Variants in B3GLCT observed in about 807,000 individuals in gnomAD.
B3GLCT encodes beta 3-glucosyltransferase, also known as beta-1,3-glucosyltransferase.
Under a neutral mutation model 63.4 loss-of-function variants are expected in B3GLCT, and 65 were observed. That is an observed-to-expected ratio of 1.03 (90% CI 0.84 to 1.26). B3GLCT has a LOEUF of 1.26. Among genes scored for constraint, B3GLCT ranks in the 50% most tolerant of loss-of-function variants. The probability of loss-of-function intolerance (pLI) is 0.00; values close to 1 mark genes in which losing one functional copy is unlikely to be tolerated. For synonymous variants in B3GLCT, 233 were observed against 219.2 expected (o/e 1.06, Z -0.55); for missense variants, 577 against 604.8 (o/e 0.95, Z 0.48).
At chr13:31,329,032 C>T (rs957274737) in intron 14 of B3GLCT, among the ~76,000 whole-genome samples, 9 of 152,146 alleles carry the variant, frequency 5.9e-5, no homozygotes, top group Admixed American at 2.6e-4. Context: ...TTTCTTTCTT[C>T]GAATGACATC....
At chr13:31,314,377 G>A (rs747699214) in intron 12 of B3GLCT, among the ~76,000 whole-genome samples, 10 of 152,216 alleles carry the variant, frequency 6.6e-5, no homozygotes, top group Non-Finnish European at 1.3e-4. Context: ...CAAAGCCACA[G>A]GAGAAGGGCT....
At chr13:31,302,049 C>G (rs961524932) in intron 12 of B3GLCT, among the ~76,000 whole-genome samples, 1 of 152,192 alleles carries the variant, frequency 6.6e-6, no homozygotes, top group African/African-American at 2.4e-5. Context: ...ATTTCCACCT[C>G]CCAGGATGAG....
intron 7 of B3GLCT, among the ~76,000 whole-genome samples, chr13:31,268,755 AACAAG>A (rs1225952025): frequency 6.6e-6 from 1 of 152,226 alleles, no homozygotes; most frequent in Non-Finnish European, 1.5e-5. Context: ...AAAATGTTCA[AACAAG>A]ACAGTGACTT....
At chr13:31,234,619 G>A (rs977837452) in intron 4 of B3GLCT, among the ~76,000 whole-genome samples, 2 of 152,120 alleles carry the variant, frequency 1.3e-5, no homozygotes, top group Admixed American at 6.5e-5. Context: ...CCAGCGGATG[G>A]GGGGTGGCAG....
chr13:31,283,400 G>A (rs1436043960), intron 10 of B3GLCT: 14 of 152,200 alleles, frequency 9.2e-5, no homozygotes, highest in African/African-American at 3.4e-4. Context: ...GTAGAACAGA[G>A]TGAAATTTTT....
At chr13:31,315,542 A>C (rs1417055876) in intron 12 of B3GLCT, among the ~76,000 whole-genome samples, 1 of 152,234 alleles carries the variant, frequency 6.6e-6, no homozygotes, top group Non-Finnish European at 1.5e-5. Context: ...GCATTCAGTC[A>C]TATTCATTCA....
At chr13:31,214,020 T>C (rs1869428999) in intron 1 of B3GLCT, among the ~76,000 whole-genome samples, 2 of 151,740 alleles carry the variant, frequency 1.3e-5, no homozygotes. Context: ...TTTGAGGCAA[T>C]GGATGTCTGG....
chr13:31,203,206 A>T (rs1868771730), intron 1 of B3GLCT, among the ~76,000 whole-genome samples: 1 of 152,216 alleles, frequency 6.6e-6, no homozygotes, highest in African/African-American at 2.4e-5. Context: ...ACCAAGAGTC[A>T]GACCTAATTC....
chr13:31,223,123 C>A, intron 3 of B3GLCT, 132 bp downstream of exon 3: 1 of 680,232 alleles, frequency 1.5e-6, no homozygotes, highest in South Asian at 1.7e-5. Context: ...CTGTCTTTGG[C>A]CCAGCCTAAC....
At chr13:31,226,344 G>A (rs796438837) in intron 3 of B3GLCT, among the ~76,000 whole-genome samples, 16 of 152,346 alleles carry the variant, frequency 1.1e-4, no homozygotes, top group African/African-American at 3.4e-4. Flanking sequence ...TGAATGAAGC[G>A]TGCATGATTG....
intron 12 of B3GLCT, among the ~76,000 whole-genome samples, chr13:31,297,684 G>T (rs888990259): frequency 2.0e-5 from 3 of 152,064 alleles, no homozygotes; most frequent in African/African-American, 7.3e-5. Context: ...CCCCAAGACT[G>T]CCCTACCACC....
chr13:31,309,539 G>A (rs1292944401), intron 12 of B3GLCT, among the ~76,000 whole-genome samples: 1 of 152,190 alleles, frequency 6.6e-6, no homozygotes, highest in African/African-American at 2.4e-5. Flanking sequence ...CCCTTCTTTG[G>A]GTTCCTTTAA....
chr13:31,331,519 C>T lies in B3GLCT; in HGVS notation c.*1851C>T, dbSNP rs1460336802. ...CTAACCACAAGTAAAAGATCTTTGC[C>T]TAAGTTTTTGATTTCTCAAATATTG... On this transcript the variant is annotated 3_prime_UTR_variant, in exon 15 of 15. Coordinates refer to ENST00000343307, the MANE Select transcript of B3GLCT (RefSeq NM_194318.4). 1 of 144,616 alleles carries T rather than the reference C, an allele frequency of 6.9e-6. No homozygotes were observed. The highest frequency in any genetic ancestry group is 1.5e-5 in the Non-Finnish European group (1 of 67,248). The allele number at this position is 144,616 out of a possible 1,614,324, so 9.0% of individuals were successfully genotyped here. A position where few individuals can be genotyped will look rare whatever the true frequency, so the allele number is the denominator to read the frequency against.
intron 1 of B3GLCT, among the ~76,000 whole-genome samples, chr13:31,211,860 TACC>T (rs1869276349): frequency 6.6e-6 from 1 of 152,250 alleles, no homozygotes; most frequent in East Asian, 1.9e-4. Flanking sequence ...CAAATAAAGA[TACC>T]TTCCCTGCAC....
At chr13:31,325,324 C>T (rs1407273806) in intron 14 of B3GLCT, among the ~76,000 whole-genome samples, 2 of 152,108 alleles carry the variant, frequency 1.3e-5, no homozygotes, top group Non-Finnish European at 2.9e-5. Context: ...GGAAAGAAAG[C>T]GTTATTCTCT....
intron 6 of B3GLCT, among the ~76,000 whole-genome samples, chr13:31,253,467 C>T (rs1481062857): frequency 3.3e-5 from 5 of 151,700 alleles, no homozygotes; most frequent in Admixed American, 6.6e-5. Context: ...GTGGCGGGTG[C>T]CTGTAGTCCC....
chr13:31,290,433 C>T (rs1873597228), intron 12 of B3GLCT, among the ~76,000 whole-genome samples: 1 of 152,176 alleles, frequency 6.6e-6, no homozygotes, highest in Admixed American at 6.5e-5. Flanking sequence ...CTTGAGGGAT[C>T]GCCACACTGT....
intron 12 of B3GLCT, among the ~76,000 whole-genome samples, chr13:31,309,012 A>AT (rs2137918841): frequency 6.6e-6 from 1 of 152,168 alleles, no homozygotes; most frequent in Admixed American, 6.5e-5. Flanking sequence ...ATTAGTTTGC[A>AT]TTTTCTTATG....
chr13:31,292,873 C>G (rs1873751068), intron 12 of B3GLCT, among the ~76,000 whole-genome samples: 1 of 152,030 alleles, frequency 6.6e-6, no homozygotes, highest in African/African-American at 2.4e-5. Context: ...TCTGCTCTTT[C>G]TTCTCTAGTT....
Sources: allele counts gnomAD v4.1 joint callset (sites outside exome capture counted in the v4.1 genomes callset), GRCh38; gene constraint gnomAD v4.1.1; transcripts MANE v1.5; gene names NCBI Gene and HGNC (gene_info 2026-07-23, HGNC 2026-07-21).